Variants in ATR observed in about 807,000 individuals in gnomAD.
The protein encoded by ATR is serine/threonine-protein kinase ATR.
A neutral mutation model predicts 305.3 loss-of-function variants in ATR; 142 were observed. The observed-to-expected ratio is 0.47, with a 90% CI of 0.41 to 0.53. ATR has a LOEUF of 0.53. Ranked by LOEUF, ATR falls within the 20% of genes least tolerant of loss-of-function variation. The pLI is 0.00. For missense variants in ATR, 2,135 were observed against 3,133.1 expected (o/e 0.68, Z 7.60); for synonymous variants, 1,050 against 1,068.1 (o/e 0.98, Z 0.33).
At chr3:142,470,863 C>T (rs2071246693) in intron 36 of ATR, among the ~76,000 whole-genome samples, 1 of 152,026 alleles carries the variant, frequency 6.6e-6, no homozygotes, top group Non-Finnish European at 1.5e-5. Flanking sequence ...AGTTAAAGTT[C>T]TCTCCTTCTT....
rs975197304 is a variant in ATR, at chr3:142,485,178, T to C, written c.6183A>G (p.Gln2061=). The C allele has an allele frequency of 2.5e-6, 4 of 1,614,080 alleles. No individual in the cohort carries two copies. In the African/African-American group the frequency reaches 5.3e-5, roughly 22 times the overall value. Reference sequence around the variant, plus strand: ...GAACTATATACCGGATGAGATCACCTTGCTTTTCCATTTTGTTGTCTGTGA... The same window carrying C: ...GAACTATATACCGGATGAGATCACCCTGCTTTTCCATTTTGTTGTCTGTGA... ...PMVTDNKMEK[Q]GDLIRYIVLH... The change falls in exon 36 of 47, where the codon CAA becomes CAG. Residue 2061 remains glutamine (Q), a synonymous_variant. Transcript: ENST00000350721.
At chr3:142,576,229 C>T (rs2035433756) in intron 1 of ATR, among the ~76,000 whole-genome samples, 2 of 152,190 alleles carry the variant, frequency 1.3e-5, no homozygotes, top group African/African-American at 4.8e-5. Context: ...TTTTGGTTGG[C>T]ATATTTACGA....
chr3:142,451,515 A>G, intron 46 of ATR: 1 of 1,422,922 alleles, frequency 7.0e-7, no homozygotes, highest in Non-Finnish European at 9.3e-7. Flanking sequence ...CCATAGAAAC[A>G]GAAAGAGAAC....
intron 42 of ATR, among the ~76,000 whole-genome samples, chr3:142,460,354 G>A (rs979161483): frequency 2.0e-5 from 3 of 152,144 alleles, no homozygotes; most frequent in Admixed American, 2.0e-4. Flanking sequence ...AGCTTATTCA[G>A]TAACAGGATC....
At chr3:142,476,669 A>G (rs1015064268) in intron 36 of ATR, among the ~76,000 whole-genome samples, 3 of 152,128 alleles carry the variant, frequency 2.0e-5, no homozygotes, top group Non-Finnish European at 2.9e-5. Flanking sequence ...CATTGAATCT[A>G]TAAATTACCT....
chr3:142,491,580 G>A (rs371058441), intron 35 of ATR, among the ~76,000 whole-genome samples: 4 of 152,298 alleles, frequency 2.6e-5, no homozygotes, highest in East Asian at 1.9e-4. Flanking sequence ...CTCTAACTGG[G>A]AAGGTGAAAC....
intron 16 of ATR, among the ~76,000 whole-genome samples, chr3:142,543,915 C>T (rs1407019682): frequency 6.6e-6 from 1 of 152,072 alleles, no homozygotes; most frequent in Non-Finnish European, 1.5e-5. Context: ...AAGCAATCCT[C>T]CTGCTTTGGC....
chr3:142,538,460 C>A (rs766782617), intron 19 of ATR, 22 bp downstream of exon 19: 4 of 1,600,630 alleles, frequency 2.5e-6, no homozygotes, highest in Non-Finnish European at 3.4e-6. Context: ...TATTATTTTA[C>A]TATTAATTTC....
At chr3:142,484,970 T>C (rs2030816253) in intron 36 of ATR, among the ~76,000 whole-genome samples, 170 bp downstream of exon 36, 1 of 152,098 alleles carries the variant, frequency 6.6e-6, no homozygotes, top group Non-Finnish European at 1.5e-5. Context: ...GTTTTTAAAG[T>C]GAAGAAAAAA....
chr3:142,528,505 T>C (rs970298315), intron 21 of ATR, among the ~76,000 whole-genome samples: 2 of 152,170 alleles, frequency 1.3e-5, no homozygotes, highest in Non-Finnish European at 2.9e-5. Flanking sequence ...GGTGGCAGAA[T>C]GAGAATTCCT....
intron 7 of ATR, 179 bp from the exon 8 acceptor site, chr3:142,558,955 T>C (rs1175164801): frequency 1.5e-6 from 1 of 678,872 alleles, no homozygotes; most frequent in Non-Finnish European, 2.4e-6. Context: ...TAAATGTGAC[T>C]TTATAAAAAC....
chr3:142,461,607 A>G (rs377098770), intron 42 of ATR, among the ~76,000 whole-genome samples: 1 of 152,150 alleles, frequency 6.6e-6, no homozygotes, highest in African/African-American at 2.4e-5. Flanking sequence ...ATTATACAAC[A>G]TATTTACTTA....
chr3:142,524,340 G>T, intron 21 of ATR, 141 bp from the exon 22 acceptor site: 1 of 792,270 alleles, frequency 1.3e-6, no homozygotes, highest in Non-Finnish European at 2.0e-6. Flanking sequence ...AATTTTTTCA[G>T]CTAGTTTTTG....
rs113437212 is a variant in ATR at position 142,574,666 on chromosome 3, C to T, written c.59+3980G>A. ...ATACCAGGATAACCAAGACAGAATG[C>T]ACCTGCCCTAAAATAATTTGCAGAT... On this transcript the variant is annotated intron_variant, in intron 1 of 46. Coordinates refer to ENST00000350721, the MANE Select transcript of ATR (RefSeq NM_001184.4). Among the ~76,000 whole-genome samples the T allele has an allele frequency of 2.5e-3, 375 of 152,240 alleles. 1 individual carries two copies. Among genetic ancestry groups the T allele is most frequent in the African/African-American group, 8.6e-3 (358 of 41,520 alleles).
chr3:142,488,439 A>G (rs1429171652), intron 35 of ATR, among the ~76,000 whole-genome samples: 1 of 152,210 alleles, frequency 6.6e-6, no homozygotes, highest in Non-Finnish European at 1.5e-5. Flanking sequence ...CTCACACGAT[A>G]CAGTAAAGAG....
chr3:142,516,984 A>ATAT (rs2032892222), intron 24 of ATR, among the ~76,000 whole-genome samples: 1 of 139,130 alleles, frequency 7.2e-6, no homozygotes, highest in Non-Finnish European at 1.5e-5. Context: ...ATACCCAAAT[A>ATAT]ATATATATAT....
Position 142,563,078 on chromosome 3 carries a change from C to T in ATR, c.324G>A (p.Leu108=), listed in dbSNP as rs538761445. The T allele has an allele frequency of 2.4e-5, 38 of 1,603,844 alleles. No homozygotes were observed. In the Middle Eastern group the frequency reaches 5.0e-4, roughly 21 times the overall value. The change falls in exon 4 of 47, where the codon CTG becomes CTA. Residue 108 remains leucine, a synonymous_variant. Transcript: ENST00000350721. ...EFSNWIITRL[L]RIAATPSCHL... is the part of the protein sequence containing the mutation. ...GACAGGAGGGAGTTGCTGCAATCCG[C>T]AGAAGTCTCGTTATGATCCAATTAC...
intron 31 of ATR, 35 bp from the exon 32 acceptor site, chr3:142,498,809 G>A (rs2108342172): frequency 1.2e-6 from 2 of 1,603,228 alleles, no homozygotes; most frequent in South Asian, 2.2e-5. Flanking sequence ...AAATGTCACG[G>A]TAGCTGGGTC....
intron 19 of ATR, among the ~76,000 whole-genome samples, chr3:142,538,228 A>T (rs1171517189): frequency 6.6e-6 from 1 of 152,188 alleles, no homozygotes; most frequent in Non-Finnish European, 1.5e-5. Flanking sequence ...ATTAGGTTAC[A>T]CATTTACAGA....
Sources: allele counts gnomAD v4.1 joint callset (sites outside exome capture counted in the v4.1 genomes callset), GRCh38; gene constraint gnomAD v4.1.1; transcripts MANE v1.5; gene names NCBI Gene and HGNC (gene_info 2026-07-23, HGNC 2026-07-21).